PTPRN2: variants seen among roughly 807,000 people sequenced by gnomAD.
The protein encoded by PTPRN2 is protein tyrosine phosphatase receptor type N2, also known as receptor-type tyrosine-protein phosphatase N2.
In PTPRN2, 74 loss-of-function variants were observed where a neutral mutation model predicts 118.8. The observed-to-expected ratio is 0.62, with a 90% CI of 0.52 to 0.76. The LOEUF (loss-of-function observed/expected upper bound fraction) is 0.76, where lower values mean the gene tolerates loss of function less well. Among genes scored for constraint, PTPRN2 ranks in the 30% least tolerant of loss-of-function variants. PTPRN2 has a pLI of 0.00. For synonymous variants in PTPRN2, 641 were observed against 608.0 expected (o/e 1.05, Z -0.80); for missense variants, 1,481 against 1,394.4 (o/e 1.06, Z -0.99).
chr7:157,585,377 G>A lies in PTPRN2; in HGVS notation c.2497-7237C>T, dbSNP rs1173339103. Among the ~76,000 whole-genome samples the A allele has an allele frequency of 2.0e-4, 31 of 152,206 alleles. No homozygotes were observed. The highest frequency in any genetic ancestry group is 1.5e-3 in the Admixed American group (23 of 15,280). Reference sequence around the variant, plus strand: ...TTGCCACTCCACCAAAGTCGGGTCTGTGTTCTCCGGGAAGGACTCAGCCTG... The same window carrying A: ...TTGCCACTCCACCAAAGTCGGGTCTATGTTCTCCGGGAAGGACTCAGCCTG... On this transcript the variant is annotated intron_variant, in intron 17 of 22. Coordinates refer to ENST00000389418, the MANE Select transcript of PTPRN2 (RefSeq NM_002847.5). The surrounding 1 kb of genome is among the most constrained non-coding windows in gnomAD (Gnocchi z 5.2).
chr7:158,407,640 GGGT>G (rs1813692266), intron 2 of PTPRN2, among the ~76,000 whole-genome samples: 1 of 76,338 alleles, frequency 1.3e-5, no homozygotes, highest in African/African-American at 4.6e-5. Flanking sequence ...CCTGCGTCCT[GGGT>G]CCTGGGTCCT....
At chr7:157,567,951 G>C (rs549235708) in intron 21 of PTPRN2, among the ~76,000 whole-genome samples, 10 of 152,310 alleles carry the variant, frequency 6.6e-5, no homozygotes, top group African/African-American at 2.4e-4. Flanking sequence ...CCAAGGAGCA[G>C]ACTCAGTGTG....
intron 6 of PTPRN2, among the ~76,000 whole-genome samples, chr7:158,154,708 A>G (rs919784270): frequency 4.6e-5 from 7 of 152,072 alleles, no homozygotes; most frequent in African/African-American, 1.7e-4. Flanking sequence ...CCCTCATCTG[A>G]AAAAGAAACT....
chr7:158,107,793 A>G (rs1024448830), intron 10 of PTPRN2, among the ~76,000 whole-genome samples: 1 of 151,560 alleles, frequency 6.6e-6, no homozygotes, highest in South Asian at 2.1e-4. Flanking sequence ...CCCTGCCCAC[A>G]GCAGCCCATG....
intron 15 of PTPRN2, among the ~76,000 whole-genome samples, chr7:157,620,870 G>A (rs1445592344): frequency 6.6e-6 from 1 of 152,152 alleles, no homozygotes; most frequent in Non-Finnish European, 1.5e-5. Context: ...TCCCCCGCCT[G>A]TAACCCAGGC....
chr7:158,062,674 C>G (rs1309012668), intron 11 of PTPRN2, among the ~76,000 whole-genome samples: 1 of 152,204 alleles, frequency 6.6e-6, no homozygotes, highest in Non-Finnish European at 1.5e-5. Context: ...GAGCTGCCAG[C>G]CAGCGCTGCT....
intron 2 of PTPRN2, among the ~76,000 whole-genome samples, chr7:158,387,698 T>G (rs1811600143): frequency 6.6e-6 from 1 of 152,200 alleles, no homozygotes. Flanking sequence ...TGGTGCTGGA[T>G]GGTCTCATCC....
chr7:157,695,217 A>C (rs1285065907), intron 12 of PTPRN2, among the ~76,000 whole-genome samples: 1 of 152,094 alleles, frequency 6.6e-6, no homozygotes, highest in East Asian at 1.9e-4. Context: ...ATGTATTTTT[A>C]AACAAAATAG....
intron 13 of PTPRN2, among the ~76,000 whole-genome samples, chr7:157,663,283 T>G (rs1475284876): frequency 1.3e-5 from 2 of 152,124 alleles, no homozygotes; most frequent in African/African-American, 4.8e-5. Context: ...GACATCACAC[T>G]GACAAGTTAA....
intron 9 of PTPRN2, among the ~76,000 whole-genome samples, chr7:158,123,354 C>T (rs1008696040): frequency 2.2e-4 from 34 of 152,208 alleles, no homozygotes; most frequent in Middle Eastern, 3.2e-3. Context: ...GACTGACAGG[C>T]GCCACAGTAT....
chr7:157,710,408 G>A (rs958367243), intron 12 of PTPRN2, among the ~76,000 whole-genome samples: 1 of 152,074 alleles, frequency 6.6e-6, no homozygotes, highest in Non-Finnish European at 1.5e-5. Context: ...TAGAGTTTCA[G>A]ACCAGGTGGC....
chr7:158,162,429 C>G (rs1259896398), intron 6 of PTPRN2, among the ~76,000 whole-genome samples: 1 of 152,076 alleles, frequency 6.6e-6, no homozygotes, highest in East Asian at 1.9e-4. Context: ...CTATTCAGCA[C>G]TAAAGAGAAA....
rs556051595 is a variant in PTPRN2, at chr7:157,894,155, C to T, written c.1788+4518G>A. 1.4e-4 allele frequency among the ~76,000 whole-genome samples: 21 copies of T among 152,328 alleles called. No homozygotes were observed. In the South Asian group the frequency reaches 2.9e-3, roughly 21 times the overall value. ...GAGGCTGAGCAGGGACCCTCGCACA[C>T]GCACATCGAAATCCCGCATGACGCA... On this transcript the variant is annotated intron_variant, in intron 12 of 22. Coordinates refer to ENST00000389418, the MANE Select transcript of PTPRN2 (RefSeq NM_002847.5).
At position 157,858,211 on chromosome 7, in the gene PTPRN2, G is replaced by A. The variant is rs1358245906; in HGVS notation, c.1788+40462C>T. 1.0e-3 allele frequency among the ~76,000 whole-genome samples: 20 copies of A among 19,522 alleles called. 7 individuals carry two copies. In the East Asian group the frequency reaches 0.016, roughly 16 times the overall value. 12.8% of individuals were successfully genotyped at this position (19,522 alleles called of 152,430 possible). A position where few individuals can be genotyped will look rare whatever the true frequency, so the allele number is the denominator to read the frequency against. ...CACCACCCACACTCCTGCAGGGAGA[G>A]CCTCCCAGCCACCACCCACACTCCT... On this transcript the variant is annotated intron_variant, in intron 12 of 22. Coordinates refer to ENST00000389418, the MANE Select transcript of PTPRN2 (RefSeq NM_002847.5).
intron 12 of PTPRN2, among the ~76,000 whole-genome samples, chr7:157,777,428 C>A (rs1032705763): frequency 6.6e-6 from 1 of 150,938 alleles, no homozygotes; most frequent in Non-Finnish European, 1.5e-5. Flanking sequence ...AGGGATGCAG[C>A]CTTCTTGATG....
chr7:158,523,368 T>C (rs982641172), intron 1 of PTPRN2, among the ~76,000 whole-genome samples: 1 of 151,866 alleles, frequency 6.6e-6, no homozygotes, highest in African/African-American at 2.4e-5. Context: ...GAGTCTGCCC[T>C]GGAGTGGAGT....
At chr7:158,274,123 C>T (rs1270810537) in intron 3 of PTPRN2, among the ~76,000 whole-genome samples, 2 of 73,422 alleles carry the variant, frequency 2.7e-5, no homozygotes, top group Admixed American at 1.6e-4. Context: ...GCCGCAGACA[C>T]GGGGAGCCGC....
At chr7:157,570,369 C>T (rs558424945) in intron 20 of PTPRN2, among the ~76,000 whole-genome samples, 1 of 152,168 alleles carries the variant, frequency 6.6e-6, no homozygotes, top group Non-Finnish European at 1.5e-5. Context: ...GATAACAAAC[C>T]GTAATCTATT....
At chr7:158,248,994 A>G (rs1796459383) in intron 3 of PTPRN2, among the ~76,000 whole-genome samples, 1 of 151,592 alleles carries the variant, frequency 6.6e-6, no homozygotes, top group Admixed American at 6.6e-5. Context: ...ATATGCACAC[A>G]TCACACATGC....
Sources: gnomAD v4.1 joint callset for allele counts (sites outside exome capture counted in the v4.1 genomes callset) on GRCh38, gnomAD v4.1.1 for gene constraint, Gnocchi (gnomAD v3.1) non-coding constraint, MANE v1.5 for transcripts, NCBI Gene and HGNC (gene_info 2026-07-23, HGNC 2026-07-21) for gene names.